DPP6: variants seen among roughly 807,000 people sequenced by gnomAD.
DPP6 encodes dipeptidyl peptidase like 6.
DPP6 carries 69 observed loss-of-function variants against 122.6 expected under a neutral mutation model. The observed-to-expected ratio is 0.56, with a 90% CI of 0.46 to 0.69. DPP6 has a LOEUF of 0.69. Among genes scored for constraint, DPP6 ranks in the 30% least tolerant of loss-of-function variants. The probability of loss-of-function intolerance (pLI) is 0.00; values close to 1 mark genes in which losing one functional copy is unlikely to be tolerated. For synonymous variants in DPP6, 418 were observed against 433.1 expected (o/e 0.97, Z 0.43); for missense variants, 928 against 1,116.9 (o/e 0.83, Z 2.41).
chr7:153,804,320 G>A, the DPP6 span, among the ~76,000 whole-genome samples: 50 of 152,060 alleles, frequency 3.3e-4, no homozygotes, highest in African/African-American at 9.2e-4. Context: ...CCAAAGTGCT[G>A]AGATTACAGG....
At chr7:154,344,429 G>C (rs2011682) in intron 1 of DPP6, among the ~76,000 whole-genome samples, 2 of 152,052 alleles carry the variant, frequency 1.3e-5, no homozygotes, top group African/African-American at 4.8e-5. Context: ...ATGCTGGCGA[G>C]GATGTGGAGA....
intron 1 of DPP6, among the ~76,000 whole-genome samples, chr7:154,384,742 A>T (rs6464417): frequency 0.43 from 32,563 of 75,584 alleles, 5,933 homozygotes; most frequent in African/African-American, 0.61. Flanking sequence ...TCTTTCTTTT[A>T]TTTTTTTTTG....
chr7:154,669,618 C>A (rs1241939816), intron 7 of DPP6, among the ~76,000 whole-genome samples, 177 bp downstream of exon 7: 3 of 151,864 alleles, frequency 2.0e-5, no homozygotes, highest in Non-Finnish European at 1.5e-5. Flanking sequence ...GTAAAAGGGT[C>A]ATTTCTTTTT....
intron 1 of DPP6, among the ~76,000 whole-genome samples, chr7:153,965,955 A>G (rs2129030840): frequency 6.6e-6 from 1 of 151,746 alleles, no homozygotes; most frequent in Non-Finnish European, 1.5e-5. Flanking sequence ...ATGATGATGA[A>G]GTTCCCTACA....
intron 12 of DPP6, 146 bp downstream of exon 12, chr7:154,796,029 C>T (rs1189272038): frequency 9.9e-6 from 13 of 1,309,554 alleles, no homozygotes; most frequent in African/African-American, 1.5e-5. Context: ...GTGCCGGCTC[C>T]ACTCACGGTG....
chr7:153,829,115 C>G, the DPP6 span, among the ~76,000 whole-genome samples: 1 of 152,174 alleles, frequency 6.6e-6, no homozygotes, highest in African/African-American at 2.4e-5. Context: ...CAATATTTTG[C>G]AATTTGGGAG....
At chr7:154,442,294 C>T (rs1563678278) in intron 1 of DPP6, among the ~76,000 whole-genome samples, 2 of 152,028 alleles carry the variant, frequency 1.3e-5, no homozygotes, top group Non-Finnish European at 1.5e-5. Context: ...TATATTAATA[C>T]TCATACTAAG....
At chr7:154,452,548 T>C (rs1255814843) in intron 2 of DPP6, among the ~76,000 whole-genome samples, 2 of 152,260 alleles carry the variant, frequency 1.3e-5, no homozygotes, top group African/African-American at 4.8e-5. Flanking sequence ...AAAAATAGTA[T>C]TTTTCAAGTA....
At chr7:154,711,205 A>G (rs962769066) in intron 7 of DPP6, among the ~76,000 whole-genome samples, 1 of 152,180 alleles carries the variant, frequency 6.6e-6, no homozygotes, top group Non-Finnish European at 1.5e-5. Flanking sequence ...TTTCCCCCTT[A>G]ATAATAACAT....
chr7:154,054,155 A>C (rs1268053857), intron 1 of DPP6, among the ~76,000 whole-genome samples: 1 of 151,952 alleles, frequency 6.6e-6, no homozygotes, highest in African/African-American at 2.4e-5. Context: ...TGGGAACCGC[A>C]GGGGTCCCAC....
intron 3 of DPP6, among the ~76,000 whole-genome samples, chr7:154,508,114 T>A (rs186032890): frequency 1.3e-5 from 2 of 152,288 alleles, no homozygotes; most frequent in African/African-American, 4.8e-5. Context: ...CTCTGTTCCT[T>A]CCCTATCCAG....
intron 5 of DPP6, among the ~76,000 whole-genome samples, chr7:154,606,861 T>A (rs1833599795): frequency 8.2e-6 from 1 of 121,328 alleles, no homozygotes; most frequent in African/African-American, 2.6e-5. Flanking sequence ...GATCAAAACT[T>A]TTATACACAC....
At chr7:154,488,317 T>C (rs920128716) in intron 3 of DPP6, among the ~76,000 whole-genome samples, 1 of 151,912 alleles carries the variant, frequency 6.6e-6, no homozygotes, top group East Asian at 1.9e-4. Flanking sequence ...TGAAACCCCG[T>C]CTCTACTAAA....
the DPP6 span, among the ~76,000 whole-genome samples, chr7:153,758,814 A>C: frequency 6.6e-6 from 1 of 151,872 alleles, no homozygotes; most frequent in East Asian, 1.9e-4. Context: ...GGCTATTACC[A>C]AAAAAGCTTT....
At chr7:154,686,877 G>C (rs1335478788) in intron 7 of DPP6, among the ~76,000 whole-genome samples, 1 of 152,114 alleles carries the variant, frequency 6.6e-6, no homozygotes, top group African/African-American at 2.4e-5. Context: ...CCTCCAGTCA[G>C]CATGAAATAC....
intron 1 of DPP6, among the ~76,000 whole-genome samples, chr7:154,407,268 T>C (rs946082292): frequency 5.3e-5 from 8 of 152,246 alleles, no homozygotes; most frequent in African/African-American, 1.9e-4. Flanking sequence ...TTCCCTGTTC[T>C]GAACCATGTA....
At chr7:154,492,142 G>C (rs980998839) in intron 3 of DPP6, among the ~76,000 whole-genome samples, 1 of 152,166 alleles carries the variant, frequency 6.6e-6, no homozygotes, top group Non-Finnish European at 1.5e-5. Context: ...GACAAGCTTT[G>C]TACCTTGTAT....
At chr7:153,848,553 C>G in the DPP6 span, among the ~76,000 whole-genome samples, 1 of 152,156 alleles carries the variant, frequency 6.6e-6, no homozygotes, top group Non-Finnish European at 1.5e-5. Context: ...ATGGGTCTAA[C>G]TTAGTGCATT....
chr7:154,823,189 CA>C (rs1431759124), intron 16 of DPP6, among the ~76,000 whole-genome samples: 1 of 152,172 alleles, frequency 6.6e-6, no homozygotes, highest in Non-Finnish European at 1.5e-5. Flanking sequence ...AGCCTGCTCA[CA>C]AGACCTGGAA....
Sources: gnomAD v4.1 joint callset for allele counts (sites outside exome capture counted in the v4.1 genomes callset) on GRCh38, gnomAD v4.1.1 for gene constraint, MANE v1.5 for transcripts, NCBI Gene and HGNC (gene_info 2026-07-23, HGNC 2026-07-21) for gene names.